THEMIS: variants seen among roughly 807,000 people sequenced by gnomAD.
The protein encoded by THEMIS is protein THEMIS.
A neutral mutation model predicts 52.6 loss-of-function variants in THEMIS; 37 were observed. The ratio of observed to expected loss-of-function variants is 0.70; its 90% CI spans 0.54 to 0.93. The LOEUF is 0.93. Ranked by LOEUF, THEMIS falls within the 40% of genes least tolerant of loss-of-function variation. THEMIS has a pLI of 0.00. For missense variants in THEMIS, 808 were observed against 763.1 expected (o/e 1.06, Z -0.69); for synonymous variants, 292 against 272.7 (o/e 1.07, Z -0.70).
chr6:127,781,025 AC>A (rs1199740655), intron 4 of THEMIS, among the ~76,000 whole-genome samples: 1 of 152,088 alleles, frequency 6.6e-6, no homozygotes, highest in Non-Finnish European at 1.5e-5. Flanking sequence ...ACTTTCAGGT[AC>A]ACCAATCAAA....
intron 2 of THEMIS, among the ~76,000 whole-genome samples, chr6:127,834,091 C>G (rs1394268666): frequency 6.6e-6 from 1 of 152,042 alleles, no homozygotes; most frequent in African/African-American, 2.4e-5. Flanking sequence ...AAAGAAGAGT[C>G]TTCAAGAGCA....
intron 4 of THEMIS, among the ~76,000 whole-genome samples, chr6:127,784,260 T>C (rs1020491661): frequency 3.3e-5 from 5 of 152,012 alleles, no homozygotes; most frequent in Non-Finnish European, 5.9e-5. Context: ...AGGGGAGGGA[T>C]AGCATTAGGA....
intron 4 of THEMIS, among the ~76,000 whole-genome samples, chr6:127,720,754 A>G (rs1338756507): frequency 2.6e-5 from 4 of 152,026 alleles, no homozygotes; most frequent in Admixed American, 6.6e-5. Flanking sequence ...AAAGCTTGAG[A>G]AAGGCCAATA....
intron 2 of THEMIS, among the ~76,000 whole-genome samples, chr6:127,832,775 A>ATTTTTTTTT (rs1251377975): frequency 1.9e-4 from 10 of 54,020 alleles, no homozygotes; most frequent in African/African-American, 2.9e-4. Flanking sequence ...GGATTGTCAG[A>ATTTTTTTTT]TCTTTTTTTT....
At chr6:127,750,553 G>A (rs1400654270) in intron 4 of THEMIS, among the ~76,000 whole-genome samples, 1 of 151,584 alleles carries the variant, frequency 6.6e-6, no homozygotes, top group Non-Finnish European at 1.5e-5. Context: ...TTTTAGTAAA[G>A]GTATGTATTT....
intron 1 of THEMIS, among the ~76,000 whole-genome samples, chr6:127,890,271 A>G (rs1239983244): frequency 1.3e-5 from 2 of 152,190 alleles, no homozygotes; most frequent in African/African-American, 4.8e-5. Context: ...AACAGTATTC[A>G]GTAATAAAAA....
intron 5 of THEMIS, among the ~76,000 whole-genome samples, chr6:127,718,530 T>C (rs1245933128): frequency 6.6e-6 from 1 of 151,928 alleles, no homozygotes; most frequent in Non-Finnish European, 1.5e-5. Context: ...TTCCCTCTGA[T>C]TGAAACAAAA....
intron 4 of THEMIS, among the ~76,000 whole-genome samples, chr6:127,811,320 G>T (rs1013148865): frequency 6.6e-6 from 1 of 152,196 alleles, no homozygotes; most frequent in African/African-American, 2.4e-5. Context: ...CTCCTTCCTG[G>T]AGACTCTGGG....
chr6:127,843,359 A>G (rs1472353525), intron 2 of THEMIS, among the ~76,000 whole-genome samples: 1 of 151,888 alleles, frequency 6.6e-6, no homozygotes, highest in Non-Finnish European at 1.5e-5. Context: ...GTTATTTCCA[A>G]TACTGTACCA....
the THEMIS span, among the ~76,000 whole-genome samples, chr6:127,699,523 C>T: frequency 6.6e-6 from 1 of 150,408 alleles, no homozygotes. Context: ...ATTCCCCACT[C>T]TCTTCACTCT....
chr6:127,799,578 TC>T (rs1777458850), intron 4 of THEMIS, among the ~76,000 whole-genome samples: 1 of 151,222 alleles, frequency 6.6e-6, no homozygotes, highest in Admixed American at 6.6e-5. Flanking sequence ...TTTCTTTCTT[TC>T]TTTCTTTTTT....
At chr6:127,710,134 G>A in intron 5 of THEMIS, 118 bp from the exon 6 acceptor site, 2 of 586,124 alleles carry the variant, frequency 3.4e-6, no homozygotes, top group Non-Finnish European at 5.5e-6. Context: ...AGAAACGGTT[G>A]GAAGCAAAGC....
intron 4 of THEMIS, among the ~76,000 whole-genome samples, chr6:127,803,013 T>C (rs2114568698): frequency 6.6e-6 from 1 of 152,358 alleles, no homozygotes; most frequent in South Asian, 2.1e-4. Context: ...CCTTATCTTG[T>C]ACCTTTCTTA....
chr6:127,715,220 C>G (rs1774115909), intron 5 of THEMIS, among the ~76,000 whole-genome samples: 1 of 151,732 alleles, frequency 6.6e-6, no homozygotes, highest in South Asian at 2.1e-4. Flanking sequence ...AAAATAAATT[C>G]TACTAATATC....
chr6:127,795,882 T>C (rs1243733645), intron 4 of THEMIS, among the ~76,000 whole-genome samples: 1 of 152,230 alleles, frequency 6.6e-6, no homozygotes, highest in East Asian at 1.9e-4. Context: ...GACAATTAGG[T>C]AAATCAAAGA....
chr6:127,848,240 C>A (rs1427448348), intron 2 of THEMIS, among the ~76,000 whole-genome samples: 1 of 151,842 alleles, frequency 6.6e-6, no homozygotes, highest in African/African-American at 2.4e-5. Flanking sequence ...CATGTCCCTA[C>A]AAAGGACATG....
At chr6:127,857,789 T>A (rs1779667684) in intron 1 of THEMIS, among the ~76,000 whole-genome samples, 1 of 152,050 alleles carries the variant, frequency 6.6e-6, no homozygotes, top group East Asian at 1.9e-4. Context: ...AACATTGGCC[T>A]AGGCAACAAA....
chr6:127,705,216 T>G (rs1773783468), downstream of THEMIS, among the ~76,000 whole-genome samples: 1 of 152,142 alleles, frequency 6.6e-6, no homozygotes, highest in Non-Finnish European at 1.5e-5. Context: ...GTATGAAAAT[T>G]TTATATAGCA....
At chr6:127,917,588 C>A (rs545143119) in intron 1 of THEMIS, among the ~76,000 whole-genome samples, 2 of 152,184 alleles carry the variant, frequency 1.3e-5, no homozygotes, top group African/African-American at 4.8e-5. Flanking sequence ...CTGCCCAGCT[C>A]CTAGTCATGA....
Sources: allele counts gnomAD v4.1 joint callset (sites outside exome capture counted in the v4.1 genomes callset), GRCh38; gene constraint gnomAD v4.1.1; transcripts MANE v1.5; gene names NCBI Gene and HGNC (gene_info 2026-07-23, HGNC 2026-07-21).